MAGI1: variants seen among roughly 807,000 people sequenced by gnomAD.
MAGI1 encodes the protein membrane-associated guanylate kinase, WW and PDZ domain-containing protein 1.
MAGI1 carries 58 observed loss-of-function variants against 139.9 expected under a neutral mutation model. The ratio of observed to expected loss-of-function variants is 0.41; its 90% CI spans 0.34 to 0.52. The LOEUF is 0.52. Ranked by LOEUF, MAGI1 falls within the 20% of genes least tolerant of loss-of-function variation. The pLI, the probability that MAGI1 is intolerant of heterozygous loss-of-function variation, is 0.12. For missense variants in MAGI1, 1,874 were observed against 1,901.6 expected, an observed-to-expected ratio of 0.99 and a Z score of 0.27; for synonymous variants, 812 against 737.9, an observed-to-expected ratio of 1.10 and a Z score of -1.63.
intron 1 of MAGI1, among the ~76,000 whole-genome samples, chr3:65,835,943 G>T (rs140990386): frequency 0.03 from 4,597 of 152,184 alleles, 104 homozygotes; most frequent in South Asian, 0.042. Flanking sequence ...AATTGGTATG[G>T]TAGATAAGAG....
intron 1 of MAGI1, among the ~76,000 whole-genome samples, chr3:65,825,860 T>G (rs537736689): frequency 1.3e-3 from 196 of 152,154 alleles, no homozygotes; most frequent in African/African-American, 4.0e-3. Flanking sequence ...TGGTGGTGCA[T>G]GCCTGTAGTC....
intron 1 of MAGI1, among the ~76,000 whole-genome samples, chr3:65,879,045 T>C (rs1257518530): frequency 6.6e-6 from 1 of 152,102 alleles, no homozygotes; most frequent in African/African-American, 2.4e-5. Context: ...TTAGAATGGC[T>C]TCCATACCAT....
At chr3:65,783,747 C>T (rs1468481138) in intron 1 of MAGI1, among the ~76,000 whole-genome samples, 1 of 151,224 alleles carries the variant, frequency 6.6e-6, no homozygotes, top group African/African-American at 2.4e-5. Context: ...ATCTGCCCAC[C>T]TCAGCCTCTC....
chr3:65,434,137 A>G (rs1947666597), intron 10 of MAGI1, among the ~76,000 whole-genome samples: 1 of 152,140 alleles, frequency 6.6e-6, no homozygotes, highest in Admixed American at 6.6e-5. Flanking sequence ...TTCCTCATGT[A>G]TAGTGTTCAA....
intron 1 of MAGI1, among the ~76,000 whole-genome samples, chr3:65,877,492 G>C (rs575027646): frequency 6.6e-6 from 1 of 152,254 alleles, no homozygotes; most frequent in African/African-American, 2.4e-5. Context: ...GTTCCCCAGA[G>C]ATGACCTCAA....
At chr3:65,598,987 G>A (rs924750870) in intron 2 of MAGI1, among the ~76,000 whole-genome samples, 2 of 152,208 alleles carry the variant, frequency 1.3e-5, no homozygotes, top group Non-Finnish European at 2.9e-5. Flanking sequence ...GTCAAAGAAA[G>A]GACGCTATCC....
intron 1 of MAGI1, among the ~76,000 whole-genome samples, chr3:65,638,369 T>C (rs2084767996): frequency 6.6e-6 from 1 of 152,146 alleles, no homozygotes; most frequent in Non-Finnish European, 1.5e-5. Flanking sequence ...TTCATGATTA[T>C]GACAATGTAC....
intron 1 of MAGI1, among the ~76,000 whole-genome samples, chr3:65,700,150 G>C (rs1266087371): frequency 1.3e-5 from 2 of 152,062 alleles, no homozygotes; most frequent in African/African-American, 4.8e-5. Context: ...AGCCTCTAAA[G>C]AATCAATAGC....
At chr3:65,687,441 C>T (rs2107542627) in intron 1 of MAGI1, 1 of 385,668 alleles carries the variant, frequency 2.6e-6, no homozygotes, top group South Asian at 2.4e-5. Context: ...GTCAAGCCAA[C>T]ACCTGATGCA....
At chr3:65,735,174 C>G (rs186317233) in intron 1 of MAGI1, among the ~76,000 whole-genome samples, 1 of 152,172 alleles carries the variant, frequency 6.6e-6, no homozygotes, top group African/African-American at 2.4e-5. Flanking sequence ...GTATTCCTAG[C>G]ATTTAATTTT....
At chr3:65,848,262 G>A (rs1005618059) in intron 1 of MAGI1, among the ~76,000 whole-genome samples, 3 of 152,320 alleles carry the variant, frequency 2.0e-5, no homozygotes, top group African/African-American at 7.2e-5. Flanking sequence ...AACCAAATGA[G>A]AAACATATGG....
At chr3:65,820,177 C>T (rs1407728391) in intron 1 of MAGI1, among the ~76,000 whole-genome samples, 2 of 152,078 alleles carry the variant, frequency 1.3e-5, no homozygotes, top group East Asian at 3.9e-4. Context: ...GAAAAAAAAA[C>T]TGCCACACTT....
chr3:65,781,205 A>C (rs1163347525), intron 1 of MAGI1, among the ~76,000 whole-genome samples: 2 of 152,112 alleles, frequency 1.3e-5, no homozygotes, highest in Non-Finnish European at 2.9e-5. Context: ...CAAAAAAAAA[A>C]AGAACAAAAT....
chr3:65,882,804 G>A (rs997924915), intron 1 of MAGI1, among the ~76,000 whole-genome samples: 3 of 151,742 alleles, frequency 2.0e-5, no homozygotes, highest in Non-Finnish European at 4.4e-5. Context: ...GCATGGTGGT[G>A]TGCACCTGTA....
chr3:65,426,445 T>C (rs751657009), intron 12 of MAGI1, among the ~76,000 whole-genome samples: 1 of 152,116 alleles, frequency 6.6e-6, no homozygotes, highest in Non-Finnish European at 1.5e-5. Flanking sequence ...TGTCCCAAAG[T>C]AAAAATGGCC....
intron 1 of MAGI1, among the ~76,000 whole-genome samples, chr3:65,950,174 C>T (rs146406459): frequency 0.017 from 1,685 of 97,046 alleles, 9 homozygotes; most frequent in Middle Eastern, 0.035. Context: ...TCAAAAGAAA[C>T]GAAAAGCCAC....
rs138733401 is a variant in MAGI1 at position 65,861,251 on chromosome 3, C to T, written c.313+176745G>A. 4.6e-5 allele frequency among the ~76,000 whole-genome samples: 7 copies of T among 152,300 alleles called. No individual in the cohort carries two copies. In the East Asian group the frequency reaches 9.7e-4, roughly 21 times the overall value. On this transcript the variant is annotated intron_variant, in intron 1 of 22. Transcript: ENST00000402939. The stretch of plus-strand genomic sequence containing the variant: ...GAAGAAGGCTGTTGCAAATATTTGA[C>T]GTGCCAACAAAATGTTTGTTTGATT...
chr3:65,591,949 C>A (rs1314571294), intron 2 of MAGI1, among the ~76,000 whole-genome samples: 2 of 152,314 alleles, frequency 1.3e-5, no homozygotes, highest in South Asian at 2.1e-4. Context: ...ACACTCAACC[C>A]CCTTACTCTG....
intron 1 of MAGI1, among the ~76,000 whole-genome samples, chr3:65,906,885 TAA>T (rs200434571): frequency 7.9e-5 from 10 of 126,804 alleles, no homozygotes; most frequent in Admixed American, 8.1e-5. Context: ...GACTCTGTCT[TAA>T]AAAAAAAAAA....
Sources: gnomAD v4.1 joint callset for allele counts (sites outside exome capture counted in the v4.1 genomes callset) on GRCh38, gnomAD v4.1.1 for gene constraint, MANE v1.5 for transcripts, NCBI Gene and HGNC (gene_info 2026-07-23, HGNC 2026-07-21) for gene names.